GPR158: variants seen among roughly 807,000 people sequenced by gnomAD.
GPR158 encodes metabotropic glycine receptor.
In GPR158, 30 loss-of-function variants were observed where a neutral mutation model predicts 78.2. The observed-to-expected ratio is 0.38, with a 90% confidence interval of 0.29 to 0.52. GPR158 has a LOEUF of 0.52. Ranked by LOEUF, GPR158 falls within the 20% of genes least tolerant of loss-of-function variation. The pLI is 0.83. For synonymous variants in GPR158, 581 were observed against 591.1 expected (o/e 0.98, Z 0.25); for missense variants, 1,463 against 1,523.5 (o/e 0.96, Z 0.66).
intron 5 of GPR158, among the ~76,000 whole-genome samples, chr10:25,488,610 G>A (rs1027156294): frequency 7.2e-5 from 11 of 152,118 alleles, no homozygotes; most frequent in East Asian, 3.8e-4. Context: ...TACAGGCTTC[G>A]TTTTGTGGAA....
rs181284039 is a variant in GPR158 at position 25,309,846 on chromosome 10, T to A, written c.1009-86065T>A. On this transcript the variant is annotated intron_variant, in intron 2 of 10. Transcript: ENST00000376351. ...CTTCTCCTTTGCCTTCTGCCATGATTATGAGGCCTCCTCAGCCATGTGGAA... is the reference window on the plus strand; with the variant it reads ...CTTCTCCTTTGCCTTCTGCCATGATAATGAGGCCTCCTCAGCCATGTGGAA... 3.0e-3 allele frequency among the ~76,000 whole-genome samples: 462 copies of A among 152,334 alleles called. 1 individual carries two copies. The highest frequency in any genetic ancestry group is 4.2e-3 in the Non-Finnish European group (287 of 68,024).
At chr10:25,511,892 G>T (rs1836090529) in intron 5 of GPR158, among the ~76,000 whole-genome samples, 2 of 152,098 alleles carry the variant, frequency 1.3e-5, no homozygotes, top group African/African-American at 4.8e-5. Context: ...ATTGGTCTAT[G>T]TGCCTATTTT....
chr10:25,390,485 G>A (rs1201126595), intron 2 of GPR158, among the ~76,000 whole-genome samples: 2 of 152,236 alleles, frequency 1.3e-5, no homozygotes, highest in African/African-American at 4.8e-5. Context: ...TTTTAGCAAA[G>A]AGACTGGTGG....
At chr10:25,256,905 G>A (rs180898134) in intron 2 of GPR158, among the ~76,000 whole-genome samples, 6 of 152,192 alleles carry the variant, frequency 3.9e-5, no homozygotes, top group African/African-American at 9.6e-5. Flanking sequence ...AACAGGATAC[G>A]TTTAGATAGA....
At chr10:25,349,095 A>G (rs1434243850) in intron 2 of GPR158, among the ~76,000 whole-genome samples, 1 of 152,018 alleles carries the variant, frequency 6.6e-6, no homozygotes, top group Non-Finnish European at 1.5e-5. Flanking sequence ...AATGAGTCTC[A>G]CTGAACTAAA....
chr10:25,312,730 G>A (rs918158606), intron 2 of GPR158, among the ~76,000 whole-genome samples: 44 of 152,226 alleles, frequency 2.9e-4, no homozygotes, highest in African/African-American at 1.0e-3. Context: ...AGAAATGTAT[G>A]CAAAGCCTTA....
intron 5 of GPR158, among the ~76,000 whole-genome samples, chr10:25,467,918 C>T (rs562411062): frequency 6.6e-6 from 1 of 152,210 alleles, no homozygotes; most frequent in Admixed American, 6.5e-5. Context: ...ACCCAGTTCC[C>T]GCCCCAGGTT....
chr10:25,286,527 A>C (rs1210698394), intron 2 of GPR158, among the ~76,000 whole-genome samples: 2 of 148,572 alleles, frequency 1.3e-5, no homozygotes, highest in African/African-American at 5.1e-5. Context: ...TATCAAAAAC[A>C]GTCTCTCTAA....
chr10:25,350,401 A>G (rs1341966), intron 2 of GPR158, among the ~76,000 whole-genome samples: 85,327 of 151,948 alleles, frequency 0.56, 27,028 homozygotes, highest in Non-Finnish European at 0.74. Context: ...TACATTGTCA[A>G]TATTCTTTAT....
At chr10:25,245,375 T>C (rs948828348) in intron 2 of GPR158, among the ~76,000 whole-genome samples, 1 of 152,176 alleles carries the variant, frequency 6.6e-6, no homozygotes, top group African/African-American at 2.4e-5. Flanking sequence ...TATTTCTTTT[T>C]ATTAACACAT....
chr10:25,197,745 G>A (rs1282139867), intron 1 of GPR158, among the ~76,000 whole-genome samples: 3 of 152,132 alleles, frequency 2.0e-5, no homozygotes, highest in Non-Finnish European at 4.4e-5. Flanking sequence ...CTTTGGACAT[G>A]TTATGAAACT....
At chr10:25,562,468 T>C (rs1836872444) in intron 6 of GPR158, among the ~76,000 whole-genome samples, 1 of 152,238 alleles carries the variant, frequency 6.6e-6, no homozygotes, top group African/African-American at 2.4e-5. Context: ...ATCCATAAAT[T>C]CTGATATGTT....
intron 3 of GPR158, among the ~76,000 whole-genome samples, chr10:25,403,622 C>T (rs2130538612): frequency 6.6e-6 from 1 of 152,132 alleles, no homozygotes; most frequent in South Asian, 2.1e-4. Context: ...ACTGAGATTT[C>T]CAAATCAAAT....
intron 2 of GPR158, among the ~76,000 whole-genome samples, chr10:25,336,110 T>TG (rs1855202372): frequency 6.6e-6 from 1 of 152,092 alleles, no homozygotes; most frequent in Non-Finnish European, 1.5e-5. Flanking sequence ...ATGTGGATGA[T>TG]GGAGCTGTAT....
chr10:25,249,149 GTA>G (rs1853751062), intron 2 of GPR158, among the ~76,000 whole-genome samples: 4 of 152,000 alleles, frequency 2.6e-5, no homozygotes, highest in South Asian at 2.1e-4. Flanking sequence ...TGTGATTTTT[GTA>G]CATTGATTTT....
intron 6 of GPR158, among the ~76,000 whole-genome samples, chr10:25,569,923 C>T (rs1050698476): frequency 1.3e-5 from 2 of 152,140 alleles, no homozygotes; most frequent in African/African-American, 2.4e-5. Flanking sequence ...ATGGCTGTCA[C>T]TATATAAATG....
chr10:25,544,733 A>C (rs1238841506), intron 5 of GPR158, among the ~76,000 whole-genome samples: 2 of 152,128 alleles, frequency 1.3e-5, no homozygotes, highest in African/African-American at 4.8e-5. Flanking sequence ...TTATACTTTA[A>C]GTTTTGGGAT....
chr10:25,206,925 A>C (rs923411756), intron 1 of GPR158, among the ~76,000 whole-genome samples: 1 of 150,590 alleles, frequency 6.6e-6, no homozygotes, highest in Admixed American at 6.7e-5. Context: ...CCTAGATCAG[A>C]GAGAAAGGAC....
rs111986968 is a variant in GPR158 at position 25,387,736 on chromosome 10, G to A, written c.1009-8175G>A. Among the ~76,000 whole-genome samples the A allele has an allele frequency of 9.0e-3, 1,363 of 152,074 alleles. 10 individuals carry two copies. Among genetic ancestry groups the A allele is most frequent in the Middle Eastern group, 0.055 (16 of 292 alleles). The stretch of plus-strand genomic sequence containing the variant: ...TCACCATGTTGGCTAGGATGGTCTC[G>A]ATCTCCTGACCTCATGATCCACCTG... On this transcript the variant is annotated intron_variant, in intron 2 of 10. Coordinates refer to ENST00000376351, the MANE Select transcript of GPR158 (RefSeq NM_020752.3).
Sources: allele counts gnomAD v4.1 joint callset (sites outside exome capture counted in the v4.1 genomes callset), GRCh38; gene constraint gnomAD v4.1.1; transcripts MANE v1.5; gene names NCBI Gene and HGNC (gene_info 2026-07-23, HGNC 2026-07-21).